Variants in WFDC1 observed in about 807,000 individuals in gnomAD.
The protein encoded by WFDC1 is WAP four-disulfide core domain 1, also known as WAP four-disulfide core domain protein 1.
In WFDC1, 39 loss-of-function variants were observed where a neutral mutation model predicts 32.9. That is an observed-to-expected ratio of 1.19 (90% CI 0.92 to 1.55). The LOEUF (loss-of-function observed/expected upper bound fraction) is 1.55. WFDC1 is among the 40% of genes most tolerant of loss of function. The pLI is 0.00. For missense variants in WFDC1, 386 were observed against 309.5 expected, an observed-to-expected ratio of 1.25 and a Z score of -1.85; for synonymous variants, 184 against 137.4, an observed-to-expected ratio of 1.34 and a Z score of -2.37.
chr16:84,319,893 C>G (rs1908206073), intron 4 of WFDC1, among the ~76,000 whole-genome samples: 1 of 152,190 alleles, frequency 6.6e-6, no homozygotes, highest in African/African-American at 2.4e-5. Flanking sequence ...AATGGGGCTA[C>G]TACATGCTGT....
At chr16:84,324,513 A>G in intron 5 of WFDC1, 53 bp downstream of exon 5, 1 of 1,592,564 alleles carries the variant, frequency 6.3e-7, no homozygotes. Context: ...AAAGGCAGTG[A>G]AAGTTTCTTA....
At chr16:84,297,405 G>A (rs1178482349) in intron 1 of WFDC1, among the ~76,000 whole-genome samples, 1 of 152,048 alleles carries the variant, frequency 6.6e-6, no homozygotes, top group Non-Finnish European at 1.5e-5. Context: ...ATCACCTGAG[G>A]TCAGGAGTTC....
chr16:84,305,575 G>C (rs1034245402), intron 1 of WFDC1, among the ~76,000 whole-genome samples: 1 of 152,176 alleles, frequency 6.6e-6, no homozygotes, highest in Non-Finnish European at 1.5e-5. Context: ...CTAACCTAAC[G>C]CTATGGAGAT....
At chr16:84,315,807 C>G (rs1907913328) in intron 2 of WFDC1, among the ~76,000 whole-genome samples, 1 of 152,180 alleles carries the variant, frequency 6.6e-6, no homozygotes, top group South Asian at 2.1e-4. Context: ...GTTCCAGGCA[C>G]CTTACTTCTT....
intron 4 of WFDC1, among the ~76,000 whole-genome samples, 164 bp downstream of exon 4, chr16:84,319,735 G>A (rs1053617448): frequency 6.6e-6 from 1 of 152,084 alleles, no homozygotes; most frequent in Non-Finnish European, 1.5e-5. Flanking sequence ...CTTCTTTCAT[G>A]GCCCCTACCC....
At chr16:84,323,165 C>T (rs988366535) in intron 4 of WFDC1, among the ~76,000 whole-genome samples, 5 of 152,124 alleles carry the variant, frequency 3.3e-5, no homozygotes, top group African/African-American at 9.7e-5. Context: ...GATCAGCAGG[C>T]GCTGACCCAC....
chr16:84,311,545 T>TG (rs1301158423), intron 1 of WFDC1, among the ~76,000 whole-genome samples: 5 of 147,610 alleles, frequency 3.4e-5, no homozygotes, highest in African/African-American at 1.3e-4. Flanking sequence ...TTTTTTTTTT[T>TG]TTTAACAGGG....
At chr16:84,322,959 T>A (rs1043742437) in intron 4 of WFDC1, among the ~76,000 whole-genome samples, 12 of 152,148 alleles carry the variant, frequency 7.9e-5, no homozygotes, top group Non-Finnish European at 1.5e-5. Context: ...GTAATCATTT[T>A]TGGTAATAAA....
intron 5 of WFDC1, chr16:84,326,635 G>A: frequency 2.0e-6 from 1 of 492,220 alleles, no homozygotes; most frequent in Non-Finnish European, 3.7e-6. Flanking sequence ...CCCCAAAGCT[G>A]GAGTGTGTGG....
chr16:84,307,632 G>C (rs948754022), intron 1 of WFDC1, among the ~76,000 whole-genome samples: 1 of 152,170 alleles, frequency 6.6e-6, no homozygotes, highest in Non-Finnish European at 1.5e-5. Flanking sequence ...TTTTGCTTCT[G>C]ATCACCAGGT....
intron 2 of WFDC1, chr16:84,317,379 A>G (rs1055109482): frequency 7.2e-5 from 11 of 151,954 alleles, no homozygotes; most frequent in Non-Finnish European, 2.9e-5. Flanking sequence ...TACAGTAAGA[A>G]AAAAAATAAA....
chr16:84,327,060 T>C, intron 6 of WFDC1, 105 bp downstream of exon 6: 3 of 1,068,280 alleles, frequency 2.8e-6, no homozygotes, highest in Non-Finnish European at 4.3e-6. Context: ...AGAGTAGCGC[T>C]TTCCCTACTG....
chr16:84,299,323 C>A (rs1906796155), intron 1 of WFDC1, among the ~76,000 whole-genome samples: 1 of 151,902 alleles, frequency 6.6e-6, no homozygotes, highest in Non-Finnish European at 1.5e-5. Context: ...CGAGATCGTG[C>A]CATTGGATTC....
In WFDC1 at chr16:84,313,095, G is replaced by T. The variant is rs1907740820; in HGVS notation, c.279G>T (p.Arg93=). The T allele has an allele frequency of 1.5e-5, 21 of 1,436,510 alleles. No homozygotes were observed. Among genetic ancestry groups the T allele is most frequent in the Non-Finnish European group, 1.9e-5 (21 of 1,100,850 alleles). The allele number at this position is 1,436,510 out of a possible 1,614,324, so 89.0% of individuals were successfully genotyped here. ...CQADSECPRH[R]RCCYNGCAYA... is the part of the protein sequence containing the mutation. ...CGGACTCCGAGTGCCCGCGGCACCG[G>T]CGCTGCTGCTACAACGGATGCGCCT... is the stretch of plus-strand genomic sequence containing the variant. Residue 93 remains arginine, a synonymous_variant, in exon 2 of 7, where the codon CGG becomes CGT. Coordinates refer to ENST00000219454, the MANE Select transcript of WFDC1 (RefSeq NM_021197.4).
intron 4 of WFDC1, among the ~76,000 whole-genome samples, chr16:84,323,423 C>T (rs1399164167): frequency 6.6e-6 from 1 of 152,220 alleles, no homozygotes; most frequent in Non-Finnish European, 1.5e-5. Flanking sequence ...TGGTCACATT[C>T]CTGTCAGCAA....
chr16:84,320,132 A>G lies in WFDC1; in HGVS notation c.562+561A>G, dbSNP rs540827477. Among the ~76,000 whole-genome samples, 11 of 152,342 alleles carry G rather than the reference A, an allele frequency of 7.2e-5. No individual in the cohort carries two copies. The South Asian group carries it at 2.3e-3, about 32-fold the overall frequency. On this transcript the variant is annotated intron_variant, in intron 4 of 6. Coordinates refer to ENST00000219454, the MANE Select transcript of WFDC1 (RefSeq NM_021197.4). ...AACCATTCTGTTTTTCACTTTCAGT[A>G]TGGTAATCAAATTACACGACACATT...
chr16:84,324,594 A>C, intron 5 of WFDC1, 134 bp downstream of exon 5: 1 of 975,374 alleles, frequency 1.0e-6, no homozygotes, highest in Non-Finnish European at 1.5e-6. Context: ...TAAGAAACAA[A>C]ATAGAAGACC....
chr16:84,319,355 C>T, intron 3 of WFDC1, 76 bp from the exon 4 acceptor site: 1 of 1,558,698 alleles, frequency 6.4e-7, no homozygotes, highest in Non-Finnish European at 8.7e-7. Context: ...TCCCGGGAGT[C>T]TGCCTTCTAG....
intron 1 of WFDC1, among the ~76,000 whole-genome samples, chr16:84,309,701 C>G (rs992226243): frequency 6.6e-6 from 1 of 152,102 alleles, no homozygotes; most frequent in East Asian, 1.9e-4. Context: ...GCCGCGCCCC[C>G]CCAACTCCAG....
Sources: allele counts gnomAD v4.1 joint callset (sites outside exome capture counted in the v4.1 genomes callset), GRCh38; gene constraint gnomAD v4.1.1; transcripts MANE v1.5; gene names NCBI Gene and HGNC (gene_info 2026-07-23, HGNC 2026-07-21).